SOS1: variants seen among roughly 807,000 people sequenced by gnomAD.
SOS1 encodes the protein SOS Ras/Rac guanine nucleotide exchange factor 1.
SOS1 carries 25 observed loss-of-function variants against 157.6 expected under a neutral mutation model. The observed-to-expected ratio is 0.16, with a 90% CI of 0.12 to 0.22. The LOEUF is 0.22. SOS1 is among the 10% of genes least tolerant of loss of function. The probability of loss-of-function intolerance (pLI) is 1.00; values close to 1 mark genes in which losing one functional copy is unlikely to be tolerated. For missense variants in SOS1, 1,237 were observed against 1,599.1 expected (o/e 0.77, Z 3.86); for synonymous variants, 528 against 534.0 (o/e 0.99, Z 0.16).
Position 39,013,549 on chromosome 2 carries a change from C to T in SOS1, c.2078G>A (p.Cys693Tyr). Residue 693 changes from cysteine (C) to tyrosine (Y), a missense_variant, in exon 13 of 23, where the codon TGT becomes TAT. By Grantham distance (194) the Cys-to-Tyr change is radical (BLOSUM62 -2). This residue lies in a region of SOS1 where 42 missense variants were observed against 80.4 expected (regional missense o/e 0.52). Coordinates refer to ENST00000402219, the MANE Select transcript of SOS1 (RefSeq NM_005633.4). ...GAAGTGGTGCTCTACCCAGTGCCGA[C>T]ATACATTTAATACTCTATGGCATTA... ...QPVQLRVLNVCRHWVEHHFYD... is the reference protein window; with the variant it reads ...QPVQLRVLNVYRHWVEHHFYD... 1 of 1,604,564 alleles carries T rather than the reference C, an allele frequency of 6.2e-7. No individual in the cohort carries two copies.
chr2:39,087,382 T>C (rs762507442), intron 1 of SOS1, among the ~76,000 whole-genome samples: 34 of 152,368 alleles, frequency 2.2e-4, no homozygotes, highest in African/African-American at 8.2e-4. Context: ...CATGTTTACA[T>C]AATAAAGTGG....
At chr2:39,060,762 A>G (rs1008216229) in intron 2 of SOS1, among the ~76,000 whole-genome samples, 25 of 152,178 alleles carry the variant, frequency 1.6e-4, no homozygotes, top group African/African-American at 5.5e-4. Context: ...GCAATGCACT[A>G]AAGTAATTTT....
In SOS1 at chr2:39,062,510, G is replaced by GA. The variant is rs761930520; in HGVS notation, c.214-3707dup. On this transcript the variant is annotated intron_variant, in intron 2 of 22. Transcript: ENST00000402219. ...GGATTCCAAGGGAAAAAAAGCTAAA[G>GA]AAAAAAAATGAACGGAAAACGAAAG... is the stretch of plus-strand genomic sequence containing the variant. Among the ~76,000 whole-genome samples, 146 of 135,976 alleles carry GA rather than the reference G, an allele frequency of 1.1e-3. 1 individual carries two copies. Among genetic ancestry groups the GA allele is most frequent in the Non-Finnish European group, 1.9e-3 (116 of 62,472 alleles). 89.2% of individuals were successfully genotyped at this position (135,976 alleles called of 152,430 possible).
intron 20 of SOS1, 25 bp from the exon 21 acceptor site, chr2:38,989,339 A>AG: frequency 1.9e-6 from 3 of 1,564,340 alleles, no homozygotes; most frequent in Non-Finnish European, 2.6e-6. Context: ...AAGAAAAAGT[A>AG]GATTTTTTTC....
intron 20 of SOS1, 45 bp downstream of exon 20, chr2:38,995,078 T>C (rs769559038): frequency 2.0e-6 from 3 of 1,530,882 alleles, no homozygotes; most frequent in Non-Finnish European, 2.7e-6. Flanking sequence ...CTAGCATGTA[T>C]AGTACTAACA....
intron 1 of SOS1, among the ~76,000 whole-genome samples, chr2:39,111,723 C>CTT (rs577014442): frequency 2.8e-5 from 4 of 141,272 alleles, no homozygotes; most frequent in African/African-American, 5.2e-5. Flanking sequence ...CTCTGGAATC[C>CTT]TTTTTTTTTT....
intron 1 of SOS1, among the ~76,000 whole-genome samples, chr2:39,094,585 G>A (rs941033922): frequency 1.5e-3 from 222 of 152,118 alleles, no homozygotes; most frequent in African/African-American, 5.2e-3. Context: ...GCTGGGAGGC[G>A]CAGGCTGCAG....
At chr2:39,109,715 G>C (rs973643584) in intron 1 of SOS1, among the ~76,000 whole-genome samples, 18 of 152,204 alleles carry the variant, frequency 1.2e-4, no homozygotes, top group Non-Finnish European at 4.4e-5. Context: ...TATTTCCTCA[G>C]CTGTACAACT....
At position 39,120,641 on chromosome 2, in the gene SOS1, G is replaced by C. The variant is rs971472538; in HGVS notation, c.-219C>G. 1 of 292,170 alleles carries C rather than the reference G, an allele frequency of 3.4e-6. No individual in the cohort carries two copies. Among genetic ancestry groups the C allele is most frequent in the Non-Finnish European group, 5.0e-6 (1 of 198,586 alleles). The allele number at this position is 292,170 out of a possible 1,614,324, so 18.1% of individuals were successfully genotyped here. ...GACACAGGTACCAGCCGTGGAGAAC[G>C]GACGCGGCCCGGAGGCGGCGGCATC... On this transcript the variant is annotated 5_prime_UTR_variant, in exon 1 of 23. Coordinates refer to ENST00000402219, the MANE Select transcript of SOS1 (RefSeq NM_005633.4).
intron 8 of SOS1, among the ~76,000 whole-genome samples, chr2:39,026,211 TG>T (rs1194865793): frequency 6.6e-6 from 1 of 151,918 alleles, no homozygotes; most frequent in East Asian, 1.9e-4. Flanking sequence ...AAAAATTAGC[TG>T]GGTGTGGTGG....
At position 39,058,723 on chromosome 2, in the gene SOS1, G is replaced by T. The variant is rs1671299384; in HGVS notation, c.295C>A (p.Arg99=). The change falls in exon 3 of 23, where the codon CGA becomes AGA. Residue 99 remains arginine, a synonymous_variant. Coordinates refer to ENST00000402219, the MANE Select transcript of SOS1 (RefSeq NM_005633.4). ...DAQSAIEKRK[R]RNPLSLPVEK... is the part of the protein sequence containing the mutation. ...ACTGGGAGAGATAAAGGGTTTCTTC[G>T]CTTCCTCTTTTCAATAGCTGATTGG... 7.4e-6 allele frequency: 12 copies of T among 1,611,954 alleles called. No individual in the cohort carries two copies. The East Asian group carries it at 2.7e-4, about 36-fold the overall frequency.
At chr2:39,121,233 G>A (rs1471795959), upstream of SOS1, among the ~76,000 whole-genome samples, 1 of 152,170 alleles carries the variant, frequency 6.6e-6, no homozygotes. Flanking sequence ...CCCTGGCAAA[G>A]TGGGGCCTGC....
chr2:38,987,403 A>G, intron 22 of SOS1, 70 bp downstream of exon 22: 1 of 802,862 alleles, frequency 1.2e-6, no homozygotes. Context: ...TGAGAACTAA[A>G]CTAGACAGCC....
At chr2:39,079,511 T>TTGG (rs1553366578) in intron 1 of SOS1, among the ~76,000 whole-genome samples, 2 of 57,112 alleles carry the variant, frequency 3.5e-5, no homozygotes, top group African/African-American at 7.2e-5. Context: ...TTTTTTTTTT[T>TTGG]TGAGACGGAG....
upstream of SOS1, among the ~76,000 whole-genome samples, chr2:39,122,447 TACACACACAC>T (rs70954783): frequency 1.3e-4 from 18 of 142,094 alleles, no homozygotes; most frequent in African/African-American, 1.6e-4. Context: ...AAAAAAAATA[TACACACACAC>T]ACACACACAC....
chr2:39,017,580 G>A lies in SOS1; in HGVS notation c.1859-2734C>T, dbSNP rs536669165. Among the ~76,000 whole-genome samples, 8 of 151,998 alleles carry A rather than the reference G, an allele frequency of 5.3e-5. No homozygotes were observed. In the East Asian group the frequency reaches 1.4e-3, roughly 26 times the overall value. ...TTGTTTTTAGCTTGACTGGAATTAAGAGTAGTCTTGCCAAAAAGACAAAAG... is the reference window on the plus strand; with the variant it reads ...TTGTTTTTAGCTTGACTGGAATTAAAAGTAGTCTTGCCAAAAAGACAAAAG... On this transcript the variant is annotated intron_variant, in intron 10 of 22. Transcript: ENST00000402219.
rs183974078 is a variant in SOS1 at position 38,987,835 on chromosome 2, A to C, written c.3392-244T>G. The stretch of plus-strand genomic sequence containing the variant: ...AGGTATTCTGTTATTTTGCCTGAAC[A>C]AAATAACATTCCCATGGTTACTCTA... On this transcript the variant is annotated intron_variant, in intron 21 of 22. Coordinates refer to ENST00000402219, the MANE Select transcript of SOS1 (RefSeq NM_005633.4). 76 of 446,062 alleles carry C rather than the reference A, an allele frequency of 1.7e-4. 1 individual carries two copies. The East Asian group carries it at 2.8e-3, about 16-fold the overall frequency. The allele number at this position is 446,062 out of a possible 1,614,324, so 27.6% of individuals were successfully genotyped here. A position where few individuals can be genotyped will look rare whatever the true frequency, so the allele number is the denominator to read the frequency against.
At chr2:39,063,128 T>A (rs1303742733) in intron 2 of SOS1, among the ~76,000 whole-genome samples, 1 of 140,836 alleles carries the variant, frequency 7.1e-6, no homozygotes, top group Non-Finnish European at 1.6e-5. Flanking sequence ...TAGAATTCAA[T>A]TTTTTTTTTT....
chr2:39,114,268 TTTG>T (rs1431597584), intron 1 of SOS1, among the ~76,000 whole-genome samples: 2 of 151,692 alleles, frequency 1.3e-5, no homozygotes, highest in Non-Finnish European at 2.9e-5. Flanking sequence ...GCTAATTTTT[TTTG>T]TTTTTTGTTT....
Sources: gnomAD v4.1 joint callset for allele counts (sites outside exome capture counted in the v4.1 genomes callset) on GRCh38, gnomAD v4.1.1 for gene constraint, gnomAD v4.1.1 regional missense constraint, MANE v1.5 for transcripts, NCBI Gene and HGNC (gene_info 2026-07-23, HGNC 2026-07-21) for gene names.